Variants in KCNH3 observed in about 807,000 individuals in gnomAD.
The protein encoded by KCNH3 is voltage-gated inwardly rectifying potassium channel KCNH3.
A neutral mutation model predicts 95.6 loss-of-function variants in KCNH3; 36 were observed. That is an observed-to-expected ratio of 0.38 (90% CI 0.29 to 0.50). KCNH3 has a LOEUF of 0.50. KCNH3 is among the 20% of genes least tolerant of loss of function. KCNH3 has a pLI of 0.95. For missense variants in KCNH3, 1,030 were observed against 1,484.1 expected (o/e 0.69, Z 5.03); for synonymous variants, 620 against 646.3 (o/e 0.96, Z 0.62).
intron 13 of KCNH3, among the ~76,000 whole-genome samples, 179 bp from the exon 14 acceptor site, chr12:49,557,004 T>C (rs889949626): frequency 6.6e-6 from 1 of 151,800 alleles, no homozygotes; most frequent in East Asian, 1.9e-4. Context: ...CTGGGTGGTG[T>C]TTTCCCTGCC....
chr12:49,557,323 A>G (rs1266448051), intron 14 of KCNH3, 31 bp from the exon 15 acceptor site: 1 of 1,612,548 alleles, frequency 6.2e-7, no homozygotes, highest in Non-Finnish European at 8.5e-7. Flanking sequence ...GGCTGACTCC[A>G]TTCTGACCTC....
intron 7 of KCNH3, among the ~76,000 whole-genome samples, chr12:49,545,134 C>A (rs1938016602): frequency 6.6e-6 from 1 of 152,162 alleles, no homozygotes; most frequent in Non-Finnish European, 1.5e-5. Context: ...CTCAGCTGGC[C>A]TCCTCCCAGC....
At chr12:49,553,722 TG>T (rs1433938020) in intron 10 of KCNH3, among the ~76,000 whole-genome samples, 34 of 152,340 alleles carry the variant, frequency 2.2e-4, no homozygotes, top group Admixed American at 2.0e-3. Flanking sequence ...TGACCCCTTC[TG>T]GTGAGATCAA....
At position 49,542,815 on chromosome 12, in the gene KCNH3, C is replaced by G. The variant is rs771724939; in HGVS notation, c.555C>G (p.Pro185=). 4.4e-6 allele frequency: 7 copies of G among 1,605,712 alleles called. No homozygotes were observed. The highest frequency in any genetic ancestry group is 5.9e-6 in the Non-Finnish European group (7 of 1,177,232). ...YHLSGHLQKQ[P]KGKHKLNKGV... ...TGTCCGGGCACCTGCAGAAGCAGCCCAAGGGCAAGCACAAGCTCAATAAGG... is the reference window on the plus strand; with the variant it reads ...TGTCCGGGCACCTGCAGAAGCAGCCGAAGGGCAAGCACAAGCTCAATAAGG... Residue 185 remains proline, a synonymous_variant, in exon 4 of 15, where the codon CCC becomes CCG. Coordinates refer to ENST00000257981, the MANE Select transcript of KCNH3 (RefSeq NM_012284.3).
chr12:49,555,969 C>T lies in KCNH3; in HGVS notation c.2468+18C>T. ...AGCCCCAGGTGAGCAGACCCTAGGC[C>T]CCCGTGGCAGAGATGGTGGTGATGA... is the stretch of plus-strand genomic sequence containing the variant. On this transcript the variant is annotated intron_variant, in intron 12 of 14. Transcript: ENST00000257981. 1.6e-6 allele frequency: 2 copies of T among 1,274,906 alleles called. No homozygotes were observed. Among genetic ancestry groups the T allele is most frequent in the Non-Finnish European group, 2.2e-6 (2 of 907,302 alleles). The allele number at this position is 1,274,906 out of a possible 1,614,324, so 79.0% of individuals were successfully genotyped here.
intron 11 of KCNH3, among the ~76,000 whole-genome samples, chr12:49,554,785 T>C (rs1468228091): frequency 1.3e-5 from 2 of 152,178 alleles, no homozygotes; most frequent in Non-Finnish European, 2.9e-5. Flanking sequence ...AGCCTTACCC[T>C]GTCCAGAGGA....
At position 49,542,785 on chromosome 12, in the gene KCNH3, C is replaced by T. The variant is rs780645868; in HGVS notation, c.525C>T (p.Tyr175=). 2.5e-6 allele frequency: 4 copies of T among 1,600,578 alleles called. No individual in the cohort carries two copies. The highest frequency in any genetic ancestry group is 1.1e-5 in the South Asian group (1 of 88,138). The change falls in exon 4 of 15, where the codon TAC becomes TAT. Residue 175 remains tyrosine (Y), a synonymous_variant. Coordinates refer to ENST00000257981, the MANE Select transcript of KCNH3 (RefSeq NM_012284.3). ...GGCGGCGGAGCCGGGCCGTGCTCTA[C>T]CACCTGTCCGGGCACCTGCAGAAGC... ...ANRRRSRAVL[Y]HLSGHLQKQP...
chr12:49,540,307 C>T (rs1002710540), intron 1 of KCNH3, among the ~76,000 whole-genome samples: 5 of 152,208 alleles, frequency 3.3e-5, no homozygotes, highest in African/African-American at 1.2e-4. Flanking sequence ...TTCAGTGCCC[C>T]CCACTCCCCA....
chr12:49,557,272 G>C lies in KCNH3; in HGVS notation c.2652+13G>C, dbSNP rs555190568. ...GCTTCGGCAGGCGGTGGGTGAGGGG[G>C]AAGGTGGAGGTGAGGGGGGCACCAG... is the stretch of plus-strand genomic sequence containing the variant. On this transcript the variant is annotated intron_variant, in intron 14 of 14. Transcript: ENST00000257981. 10 of 1,613,940 alleles carry C rather than the reference G, an allele frequency of 6.2e-6. No individual in the cohort carries two copies. The highest frequency in any genetic ancestry group is 3.3e-5 in the Admixed American group (2 of 60,008).
intron 10 of KCNH3, among the ~76,000 whole-genome samples, chr12:49,552,181 G>A (rs1018071662): frequency 2.6e-5 from 4 of 152,242 alleles, no homozygotes; most frequent in Non-Finnish European, 4.4e-5. Flanking sequence ...GGATTGACGA[G>A]TGGATTACGA....
In KCNH3 at chr12:49,541,621, TG is replaced by T; in HGVS notation, c.311-8del. ...ATAGGAGGTGGGCTGAGTTTGTTTT[TG>T]TGCCCAGGGCTCCCGTTCTGGTGTC... On this transcript the variant is annotated splice_region_variant and splice_polypyrimidine_tract_variant and intron_variant, in intron 2 of 14. Coordinates refer to ENST00000257981, the MANE Select transcript of KCNH3 (RefSeq NM_012284.3). 2 of 1,613,744 alleles carry T rather than the reference TG, an allele frequency of 1.2e-6. No homozygotes were observed. The highest frequency in any genetic ancestry group is 1.7e-6 in the Non-Finnish European group (2 of 1,179,904).
Position 49,539,439 on chromosome 12 carries a change from T to A in KCNH3, c.23T>A (p.Leu8Gln). The A allele has an allele frequency of 6.4e-7, 1 of 1,568,244 alleles. No homozygotes were observed. Among genetic ancestry groups the A allele is most frequent in the Non-Finnish European group, 8.6e-7 (1 of 1,160,726 alleles). MPAMRGLLAPQNTFLDTI... is the reference protein window; with the variant it reads MPAMRGLQAPQNTFLDTI... ...AAGATGCCGGCCATGCGGGGCCTCC[T>A]GGCGCCGCAGAACACCTTCCTGGAC... The change falls in exon 1 of 15, where the codon CTG becomes CAG. Residue 8 changes from leucine to glutamine, a missense_variant. By Grantham distance (113) the Leu-to-Gln change is moderately radical. Transcript: ENST00000257981. This position sits in a 1 kb window ranked among gnomAD's most constrained non-coding sequence, Gnocchi z 6.7.
rs554063965 is a variant in KCNH3 at position 49,543,859 on chromosome 12, G to C, written c.824-56G>C. 1.7e-4 allele frequency: 271 copies of C among 1,564,552 alleles called. 2 individuals carry two copies. The Admixed American group carries it at 4.6e-3, about 26-fold the overall frequency. ...ACTGAGAAAGTGAGCAGGTGTCCAG[G>C]CAAGAGTGGCTGCCCCCCCAGCCCC... On this transcript the variant is annotated intron_variant, in intron 5 of 14. Coordinates refer to ENST00000257981, the MANE Select transcript of KCNH3 (RefSeq NM_012284.3).
chr12:49,544,303 C>A lies in KCNH3; in HGVS notation c.1110C>A (p.Leu370=). The A allele has an allele frequency of 6.2e-7, 1 of 1,613,060 alleles. No individual in the cohort carries two copies. The highest frequency in any genetic ancestry group is 8.5e-7 in the Non-Finnish European group (1 of 1,179,952). The change falls in exon 7 of 15, where the codon CTC becomes CTA. Residue 370 remains leucine (L), a synonymous_variant. Transcript: ENST00000257981. The part of the protein sequence containing the change: ...LTLLMAVFAL[L]AHWVACVWFY... Reference sequence around the variant, plus strand: ...TGCTCATGGCCGTGTTCGCCCTGCTCGCGCACTGGGTCGCCTGCGTCTGGT... The same window carrying A: ...TGCTCATGGCCGTGTTCGCCCTGCTAGCGCACTGGGTCGCCTGCGTCTGGT...
rs1938179583 is a variant in KCNH3, at chr12:49,549,378, C to T, written c.1469-63C>T. 3 of 1,574,728 alleles carry T rather than the reference C, an allele frequency of 1.9e-6. No homozygotes were observed. The African/African-American group carries it at 4.0e-5, about 21-fold the overall frequency. On this transcript the variant is annotated intron_variant, in intron 8 of 14. Coordinates refer to ENST00000257981, the MANE Select transcript of KCNH3 (RefSeq NM_012284.3). The stretch of plus-strand genomic sequence containing the variant: ...AGCGTGCGGGCCGAGGACAGATGAG[C>T]CCAGCGTGGTGTCAGGCCGGGCCAG...
chr12:49,557,287 G>T, intron 14 of KCNH3, 28 bp downstream of exon 14: 14 of 1,613,798 alleles, frequency 8.7e-6, no homozygotes, highest in South Asian at 1.1e-5. Context: ...TGGAGGTGAG[G>T]GGGGCACCAG....
Position 49,549,367 on chromosome 12 carries a change from G to A in KCNH3, c.1469-74G>A, listed in dbSNP as rs548476664. 9 of 1,557,252 alleles carry A rather than the reference G, an allele frequency of 5.8e-6. No individual in the cohort carries two copies. In the East Asian group the frequency reaches 1.4e-4, roughly 23 times the overall value. ...CCTTGCCTAGGAGCGTGCGGGCCGA[G>A]GACAGATGAGCCCAGCGTGGTGTCA... On this transcript the variant is annotated intron_variant, in intron 8 of 14. Coordinates refer to ENST00000257981, the MANE Select transcript of KCNH3 (RefSeq NM_012284.3).
rs1362170459 is a variant in KCNH3, at chr12:49,542,688, G to T, written c.446-18G>T. On this transcript the variant is annotated intron_variant, in intron 3 of 14. Transcript: ENST00000257981. ...GGGCACACACCCATCATCTTCATGG[G>T]CCCCTCTTCTTTCGCAGGTGGTGGC... The T allele has an allele frequency of 6.4e-7, 1 of 1,558,804 alleles. No individual in the cohort carries two copies. Among genetic ancestry groups the T allele is most frequent in the East Asian group, 2.4e-5 (1 of 41,936 alleles).
chr12:49,549,638 G>A lies in KCNH3; in HGVS notation c.1666G>A (p.Glu556Lys), dbSNP rs774681308. The A allele has an allele frequency of 2.5e-6, 4 of 1,607,674 alleles. No homozygotes were observed. The highest frequency in any genetic ancestry group is 3.4e-6 in the Non-Finnish European group (4 of 1,179,726). ...GGTGAACAATGGCATCGACACCACC[G>A]AGGTGCGGCCTCCGGGGCTGGGCCT... is the stretch of plus-strand genomic sequence containing the variant. ...WAVNNGIDTT[E>K]LLQSLPDELR... Residue 556 changes from glutamate (E) to lysine (K), a missense_variant and splice_region_variant, in exon 9 of 15, where the codon GAG (glutamate) becomes AAG (lysine). This residue lies in a region of KCNH3 where 160 missense variants were observed against 316.2 expected (regional missense o/e 0.51). Coordinates refer to ENST00000257981, the MANE Select transcript of KCNH3 (RefSeq NM_012284.3).
Sources: gnomAD v4.1 joint callset for allele counts (sites outside exome capture counted in the v4.1 genomes callset) on GRCh38, gnomAD v4.1.1 for gene constraint, gnomAD v4.1.1 regional missense constraint, Gnocchi (gnomAD v3.1) non-coding constraint, MANE v1.5 for transcripts, NCBI Gene and HGNC (gene_info 2026-07-23, HGNC 2026-07-21) for gene names.